LARP1B: variants seen among roughly 807,000 people sequenced by gnomAD.
LARP1B encodes la-related protein 1B.
Under a neutral mutation model 114.2 loss-of-function variants are expected in LARP1B, and 76 were observed. The ratio of observed to expected loss-of-function variants is 0.67; its 90% confidence interval spans 0.55 to 0.81. The LOEUF (loss-of-function observed/expected upper bound fraction) is 0.81, where lower values mean the gene tolerates loss of function less well. Among genes scored for constraint, LARP1B ranks in the 30% least tolerant of loss-of-function variants. The probability of loss-of-function intolerance (pLI) is 0.00; values close to 1 mark genes in which losing one functional copy is unlikely to be tolerated. For synonymous variants in LARP1B, 345 were observed against 348.0 expected, an observed-to-expected ratio of 0.99 and a Z score of 0.10; for missense variants, 1,014 against 1,075.8, an observed-to-expected ratio of 0.94 and a Z score of 0.80.
intron 5 of LARP1B, among the ~76,000 whole-genome samples, chr4:128,085,436 G>A (rs1311215532): frequency 1.4e-5 from 2 of 140,896 alleles, no homozygotes; most frequent in Admixed American, 8.0e-5. Flanking sequence ...GACAGTCATA[G>A]CTCACTGCAG....
chr4:128,137,228 C>CA (rs1350862891), intron 11 of LARP1B, among the ~76,000 whole-genome samples: 176 of 148,938 alleles, frequency 1.2e-3, no homozygotes, highest in South Asian at 3.2e-3. Context: ...GAGTCCATCT[C>CA]AAAAAAAAAC....
At chr4:128,166,445 G>A (rs78070381) in intron 12 of LARP1B, among the ~76,000 whole-genome samples, 3,626 of 151,734 alleles carry the variant, frequency 0.024, 128 homozygotes, top group African/African-American at 0.083. Context: ...CAAATATCCA[G>A]TTATATTTTT....
intron 12 of LARP1B, 135 bp from the exon 13 acceptor site, chr4:128,176,737 T>C (rs1746360335): frequency 1.3e-6 from 1 of 746,994 alleles, no homozygotes; most frequent in African/African-American, 1.8e-5. Context: ...AGTTGCTTTC[T>C]GGGAAGCAAT....
chr4:128,200,949 G>A (rs1241573318), intron 17 of LARP1B, among the ~76,000 whole-genome samples: 4 of 152,236 alleles, frequency 2.6e-5, no homozygotes, highest in African/African-American at 9.6e-5. Flanking sequence ...AAACTGCTTA[G>A]CTGGGTGGTT....
chr4:128,107,982 TC>T lies in LARP1B; in HGVS notation c.988+671del, dbSNP rs143723852. 766 of 1,528,438 alleles carry T rather than the reference TC, an allele frequency of 5.0e-4. 3 individuals carry two copies. In the African/African-American group the frequency reaches 9.8e-3, roughly 20 times the overall value. 94.7% of individuals were successfully genotyped at this position (1,528,438 alleles called of 1,614,324 possible). On this transcript the variant is annotated intron_variant, in intron 9 of 19. Transcript: ENST00000326639. ...ATGCCTTTATAAATACTGGAACAAA[TC>T]CTGCTGCAAAAATGAAAGCGATCAG...
At chr4:128,189,477 C>T (rs1297116601) in intron 15 of LARP1B, among the ~76,000 whole-genome samples, 1 of 151,604 alleles carries the variant, frequency 6.6e-6, no homozygotes, top group Non-Finnish European at 1.5e-5. Context: ...TTTCACTCAG[C>T]CATGCTTATA....
At chr4:128,065,315 T>TTCTTTCTTTC (rs1300396452) in intron 1 of LARP1B, among the ~76,000 whole-genome samples, 21 of 80,666 alleles carry the variant, frequency 2.6e-4, no homozygotes, top group African/African-American at 8.5e-4. Context: ...CTTTCTTTCT[T>TTCTTTCTTTC]TCTCTCTCTC....
chr4:128,220,066 A>T (rs1032405596), intron 6 of LARP1B, among the ~76,000 whole-genome samples: 3 of 151,898 alleles, frequency 2.0e-5, no homozygotes, highest in African/African-American at 7.3e-5. Context: ...TTTATTTTTA[A>T]TAGAGACAGG....
At chr4:128,184,421 C>T (rs1244973863) in intron 15 of LARP1B, among the ~76,000 whole-genome samples, 2 of 152,072 alleles carry the variant, frequency 1.3e-5, no homozygotes, top group Non-Finnish European at 1.5e-5. Context: ...TTTAGCAATA[C>T]AGTTTTTAAA....
intron 15 of LARP1B, among the ~76,000 whole-genome samples, chr4:128,188,972 G>A: frequency 6.6e-6 from 1 of 152,200 alleles, no homozygotes; most frequent in East Asian, 1.9e-4. Flanking sequence ...GTATTCTGCA[G>A]TAGTAGGTGA....
rs1735750198 is a variant in LARP1B at position 128,099,755 on chromosome 4, AAATATCT to A, written c.813+1427_813+1433del. 2.0e-5 allele frequency among the ~76,000 whole-genome samples: 3 copies of A among 152,160 alleles called. No individual in the cohort carries two copies. In the South Asian group the frequency reaches 6.2e-4, roughly 32 times the overall value. ...ACACACATATATATTTCTGTTGGAT[AAATATCT>A]AGTATTGTGATTGCTGGAAAGTATA... On this transcript the variant is annotated intron_variant, in intron 8 of 19. Coordinates refer to ENST00000326639, the MANE Select transcript of LARP1B (RefSeq NM_018078.4).
At chr4:128,153,777 G>A (rs1394331739) in intron 11 of LARP1B, among the ~76,000 whole-genome samples, 2 of 151,994 alleles carry the variant, frequency 1.3e-5, no homozygotes, top group East Asian at 3.9e-4. Flanking sequence ...CTATATTACC[G>A]GTAGCCTACT....
chr4:128,141,461 G>A (rs911680222), intron 11 of LARP1B, among the ~76,000 whole-genome samples: 5 of 152,136 alleles, frequency 3.3e-5, no homozygotes, highest in African/African-American at 1.2e-4. Flanking sequence ...ATATGCTAAT[G>A]TGTTTATCTC....
At chr4:128,126,036 A>G (rs1789479076) in intron 11 of LARP1B, among the ~76,000 whole-genome samples, 1 of 152,218 alleles carries the variant, frequency 6.6e-6, no homozygotes, top group African/African-American at 2.4e-5. Context: ...TAAAGTGAAT[A>G]ATCTAACAAG....
At chr4:128,169,348 C>G (rs1032441150) in intron 12 of LARP1B, among the ~76,000 whole-genome samples, 2 of 151,658 alleles carry the variant, frequency 1.3e-5, no homozygotes, top group African/African-American at 2.4e-5. Flanking sequence ...CTATTATAAC[C>G]ATTTAATACT....
At chr4:128,078,697 T>C (rs1217885360) in intron 4 of LARP1B, among the ~76,000 whole-genome samples, 1 of 152,182 alleles carries the variant, frequency 6.6e-6, no homozygotes, top group East Asian at 1.9e-4. Context: ...ATTGTCTTCA[T>C]ATCCTTTTCC....
chr4:128,094,294 A>C (rs1777038385), intron 7 of LARP1B, among the ~76,000 whole-genome samples: 2 of 151,616 alleles, frequency 1.3e-5, no homozygotes, highest in Admixed American at 6.6e-5. Flanking sequence ...AAATGTAAAG[A>C]TCTTGATTAT....
In LARP1B at chr4:128,189,400, G is replaced by C. The variant is rs75480278; in HGVS notation, c.2003+9888G>C. On this transcript the variant is annotated intron_variant, in intron 15 of 19. Transcript: ENST00000326639. ...TTTCCATTCTTCACTTTCAGACTAT[G>C]TGTGTCTTTATAGGTGATTTGAGTT... Among the ~76,000 whole-genome samples, 738 of 107,108 alleles carry C rather than the reference G, an allele frequency of 6.9e-3. 9 individuals carry two copies. The highest frequency in any genetic ancestry group is 0.025 in the African/African-American group (699 of 28,146). The allele number at this position is 107,108 out of a possible 152,430, so 70.3% of individuals were successfully genotyped here.
chr4:128,101,156 A>G (rs545570184), intron 8 of LARP1B, among the ~76,000 whole-genome samples: 53 of 149,782 alleles, frequency 3.5e-4, no homozygotes, highest in African/African-American at 1.1e-3. Context: ...CAAGTTTTTG[A>G]ACACGTGTGC....
Sources: gnomAD v4.1 joint callset for allele counts (sites outside exome capture counted in the v4.1 genomes callset) on GRCh38, gnomAD v4.1.1 for gene constraint, MANE v1.5 for transcripts, NCBI Gene and HGNC (gene_info 2026-07-23, HGNC 2026-07-21) for gene names.